DLC1: variants seen among roughly 807,000 people sequenced by gnomAD.
DLC1 encodes the protein rho GTPase-activating protein 7.
DLC1 carries 54 observed loss-of-function variants against 140.3 expected under a neutral mutation model. The observed-to-expected ratio is 0.38, with a 90% CI of 0.31 to 0.48. The LOEUF (loss-of-function observed/expected upper bound fraction) is 0.48, where lower values mean the gene tolerates loss of function less well. Ranked by LOEUF, DLC1 falls within the 20% of genes least tolerant of loss-of-function variation. DLC1 has a pLI of 0.96. For synonymous variants in DLC1, 986 were observed against 728.1 expected, an observed-to-expected ratio of 1.35 and a Z score of -5.70; for missense variants, 2,536 against 1,907.0, an observed-to-expected ratio of 1.33 and a Z score of -6.14.
chr8:13,537,917 G>T (rs529728283), intron 1 of DLC1, among the ~76,000 whole-genome samples: 2 of 152,148 alleles, frequency 1.3e-5, no homozygotes, highest in African/African-American at 2.4e-5. Flanking sequence ...GCCTCCCAAA[G>T]TTCTGGGATT....
intron 2 of DLC1, among the ~76,000 whole-genome samples, chr8:13,485,887 A>C (rs2117139586): frequency 6.6e-6 from 1 of 152,348 alleles, no homozygotes; most frequent in Admixed American, 6.5e-5. Context: ...TAAGCATAAA[A>C]ATTTAGTGCT....
chr8:13,588,958 G>T (rs555111034), intron 1 of DLC1, among the ~76,000 whole-genome samples: 1 of 152,184 alleles, frequency 6.6e-6, no homozygotes, highest in South Asian at 2.1e-4. Context: ...GTGACAGATG[G>T]AGTCAGATTG....
rs769930963 is a variant in DLC1 at position 13,326,993 on chromosome 8, T to C, written c.1315-21691A>G. On this transcript the variant is annotated intron_variant, in intron 4 of 17. Transcript: ENST00000276297. ...TTTTTGAGACAGAATCTCGCTCTGT[T>C]GCCCAGGCTGGAGTGCAGTGGCACG... is the stretch of plus-strand genomic sequence containing the variant. Among the ~76,000 whole-genome samples the C allele has an allele frequency of 4.6e-5, 7 of 152,240 alleles. No individual in the cohort carries two copies. The South Asian group carries it at 1.0e-3, about 23-fold the overall frequency.
chr8:13,335,485 C>G (rs556756956), intron 4 of DLC1, among the ~76,000 whole-genome samples: 1 of 152,110 alleles, frequency 6.6e-6, no homozygotes, highest in Admixed American at 6.6e-5. Flanking sequence ...TCATATTTAT[C>G]GTCAAGGCAC....
At chr8:13,508,385 G>A (rs1292331463) in intron 1 of DLC1, among the ~76,000 whole-genome samples, 1 of 152,002 alleles carries the variant, frequency 6.6e-6, no homozygotes. Context: ...AGAGCCATGT[G>A]GGACAATATT....
rs749392371 is a variant in DLC1 at position 13,098,372 on chromosome 8, C to T, written c.3167+27G>A. 54 of 1,612,180 alleles carry T rather than the reference C, an allele frequency of 3.3e-5. No homozygotes were observed. In the Middle Eastern group the frequency reaches 4.9e-4, roughly 15 times the overall value. On this transcript the variant is annotated intron_variant, in intron 10 of 17. Coordinates refer to ENST00000276297, the MANE Select transcript of DLC1 (RefSeq NM_182643.3). ...TGACCAAAAATATCATTTTCAACGACAGTTGACTGATCATTTAAACTCTTA... is the reference window on the plus strand; with the variant it reads ...TGACCAAAAATATCATTTTCAACGATAGTTGACTGATCATTTAAACTCTTA...
intron 4 of DLC1, among the ~76,000 whole-genome samples, chr8:13,338,063 CTAAGTTGCCA>C (rs764962925): frequency 6.6e-6 from 1 of 152,154 alleles, no homozygotes. Context: ...GAGTTTTCCT[CTAAGTTGCCA>C]TAACATTGCT....
chr8:13,552,897 T>C (rs1371121979), intron 1 of DLC1, among the ~76,000 whole-genome samples: 1 of 151,876 alleles, frequency 6.6e-6, no homozygotes, highest in Non-Finnish European at 1.5e-5. Flanking sequence ...TTAATATGTA[T>C]TTCACAATGA....
chr8:13,099,334 G>A lies in DLC1; in HGVS notation c.2990+13C>T. ...CAGTGCCCCACACCCGGAGGCAGGA[G>A]AAAAGTTCTTACCTGTTGGACCTGG... On this transcript the variant is annotated intron_variant, in intron 9 of 17. Transcript: ENST00000276297. 1 of 1,607,732 alleles carries A rather than the reference G, an allele frequency of 6.2e-7. No homozygotes were observed.
At chr8:13,302,490 G>C (rs1408249030) in intron 5 of DLC1, among the ~76,000 whole-genome samples, 2 of 152,144 alleles carry the variant, frequency 1.3e-5, no homozygotes, top group African/African-American at 4.8e-5. Context: ...TATTATCATA[G>C]CAACGTGGAT....
chr8:13,578,237 AG>A (rs1004203350), intron 1 of DLC1, among the ~76,000 whole-genome samples: 2 of 152,090 alleles, frequency 1.3e-5, no homozygotes, highest in African/African-American at 4.8e-5. Context: ...CTCTAATCAA[AG>A]GCTATCCTTT....
chr8:13,123,292 C>T (rs1012526830), intron 5 of DLC1, among the ~76,000 whole-genome samples: 7 of 152,044 alleles, frequency 4.6e-5, no homozygotes, highest in African/African-American at 9.7e-5. Context: ...CCAGCCACAC[C>T]GGCCTCCTCT....
intron 7 of DLC1, among the ~76,000 whole-genome samples, chr8:13,109,359 C>T (rs958329379): frequency 6.6e-6 from 1 of 151,456 alleles, no homozygotes; most frequent in Non-Finnish European, 1.5e-5. Flanking sequence ...GAGTTCAAGA[C>T]CAGCCTGAGC....
intron 5 of DLC1, among the ~76,000 whole-genome samples, chr8:13,268,721 A>T (rs974668988): frequency 6.6e-6 from 1 of 151,924 alleles, no homozygotes; most frequent in African/African-American, 2.4e-5. Flanking sequence ...CTATGGGGGC[A>T]TCCAGAAATT....
chr8:13,405,462 G>C (rs767010433), intron 2 of DLC1, among the ~76,000 whole-genome samples: 1 of 152,072 alleles, frequency 6.6e-6, no homozygotes, highest in Non-Finnish European at 1.5e-5. Flanking sequence ...CAAATAATTC[G>C]GAAATATAAA....
chr8:13,529,997 T>G (rs188815272), intron 1 of DLC1, among the ~76,000 whole-genome samples: 329 of 152,302 alleles, frequency 2.2e-3, no homozygotes, highest in African/African-American at 7.7e-3. Context: ...GGAACCAGAA[T>G]TTTGAGTAGT....
Position 13,091,424 on chromosome 8 carries a change from T to C in DLC1, c.3749A>G (p.Gln1250Arg). Residue 1250 changes from glutamine (Q) to arginine (R), a missense_variant, in exon 14 of 18, where the codon CAA (glutamine) becomes CGA (arginine). Physicochemically the swap from Gln to Arg is conservative, Grantham distance 43. Transcript: ENST00000276297. The part of the protein sequence containing the change: ...KRENSSPRVM[Q>R]RKQSLGKPDQ... The stretch of plus-strand genomic sequence containing the variant: ...TGGTTTGCCCAAACTTTGTTTTCTT[T>C]GCATTACCCTAGGTAGAAGAAATAC... 3.1e-6 allele frequency: 5 copies of C among 1,614,036 alleles called. No individual in the cohort carries two copies. The highest frequency in any genetic ancestry group is 4.2e-6 in the Non-Finnish European group (5 of 1,179,904).
intron 5 of DLC1, among the ~76,000 whole-genome samples, chr8:13,205,507 G>T (rs1443816464): frequency 6.6e-6 from 1 of 152,078 alleles, no homozygotes; most frequent in African/African-American, 2.4e-5. Flanking sequence ...ATTTACATAA[G>T]GGCGGGGGGC....
At chr8:13,383,489 C>G (rs6994521) in intron 4 of DLC1, among the ~76,000 whole-genome samples, 52 of 152,086 alleles carry the variant, frequency 3.4e-4, no homozygotes, top group Non-Finnish European at 7.4e-4. Flanking sequence ...TGAACAGATG[C>G]TATCTTTTGG....
Sources: allele counts gnomAD v4.1 joint callset (sites outside exome capture counted in the v4.1 genomes callset), GRCh38; gene constraint gnomAD v4.1.1; transcripts MANE v1.5; gene names NCBI Gene and HGNC (gene_info 2026-07-23, HGNC 2026-07-21).